Variants in ACP7 observed in about 807,000 individuals in gnomAD.
ACP7 encodes acid phosphatase type 7.
In ACP7, 58 loss-of-function variants were observed where a neutral mutation model predicts 60.6. The ratio of observed to expected loss-of-function variants is 0.96; its 90% confidence interval spans 0.77 to 1.19. The LOEUF (loss-of-function observed/expected upper bound fraction) is 1.19. Among genes scored for constraint, ACP7 ranks in the 50% most tolerant of loss-of-function variants. The probability of loss-of-function intolerance (pLI) is 0.00; values close to 1 mark genes in which losing one functional copy is unlikely to be tolerated. For missense variants in ACP7, 574 were observed against 596.2 expected (o/e 0.96, Z 0.39); for synonymous variants, 237 against 232.6 (o/e 1.02, Z -0.17).
At position 39,107,038 on chromosome 19, in the gene ACP7, TCCTCAACGGGAC is replaced by T; in HGVS notation, c.1208_1219del (p.Leu403_Thr406del). 1.2e-6 allele frequency: 2 copies of T among 1,613,988 alleles called. No individual in the cohort carries two copies. Among genetic ancestry groups the T allele is most frequent in the Non-Finnish European group, 1.7e-6 (2 of 1,179,988 alleles). On this transcript the variant is annotated inframe_deletion, in exon 12 of 13. Coordinates refer to ENST00000331256, the MANE Select transcript of ACP7 (RefSeq NM_001004318.3). ...GAGTACGGGTATACGCGGCTGCACA[TCCTCAACGGGAC>T]CCACATCCACATCCAGCAGGTGTCG...
intron 2 of ACP7, among the ~76,000 whole-genome samples, chr19:39,090,804 T>TC (rs1313568980): frequency 6.6e-6 from 1 of 151,546 alleles, no homozygotes; most frequent in Non-Finnish European, 1.5e-5. Flanking sequence ...TTTTTTTTTT[T>TC]TTTGGTCTAT....
At chr19:39,107,494 G>A (rs1324656052) in intron 12 of ACP7, among the ~76,000 whole-genome samples, 2 of 149,320 alleles carry the variant, frequency 1.3e-5, no homozygotes, top group Non-Finnish European at 3.0e-5. Context: ...TGAGGCAGGA[G>A]AATGGCGTGA....
intron 11 of ACP7, among the ~76,000 whole-genome samples, chr19:39,105,814 A>G (rs2073405405): frequency 6.6e-6 from 1 of 152,162 alleles, no homozygotes; most frequent in Non-Finnish European, 1.5e-5. Context: ...GCTCGGCTGC[A>G]CGATGTCTTT....
rs1211595369 is a variant in ACP7 at position 39,110,126 on chromosome 19, G to A, written c.*8G>A. On this transcript the variant is annotated 3_prime_UTR_variant, in exon 13 of 13. Transcript: ENST00000331256. ...CGGAGGATGTACCTCTAGGGATGGC[G>A]GCAGCTCTCCTCCAGAAGCCTAGGT... is the stretch of plus-strand genomic sequence containing the variant. The A allele has an allele frequency of 2.5e-5, 41 of 1,611,440 alleles. No individual in the cohort carries two copies. Among genetic ancestry groups the A allele is most frequent in the Non-Finnish European group, 3.1e-5 (37 of 1,177,702 alleles).
At chr19:39,084,504 A>C in intron 1 of ACP7, 104 bp downstream of exon 1, 1 of 123,168 alleles carries the variant, frequency 8.1e-6, no homozygotes. Context: ...AGCGCTGGAG[A>C]GAAGGGGGGT....
intron 2 of ACP7, among the ~76,000 whole-genome samples, chr19:39,085,604 T>C (rs1392523846): frequency 1.3e-5 from 2 of 152,148 alleles, no homozygotes; most frequent in Non-Finnish European, 2.9e-5. Flanking sequence ...CAGAGAGTGC[T>C]CCCCTGCTCT....
chr19:39,100,306 C>T lies in ACP7; in HGVS notation c.585C>T (p.Ala195=). ...RFMRLIEPVA[A]SLPYMTCPGN... ...TGCGGCTCATTGAACCCGTGGCTGCCAGCCTGCCGTACATGACATGCCCTG... is the reference window on the plus strand; with the variant it reads ...TGCGGCTCATTGAACCCGTGGCTGCTAGCCTGCCGTACATGACATGCCCTG... Residue 195 remains alanine, a synonymous_variant, in exon 5 of 13, where the codon GCC becomes GCT. Transcript: ENST00000331256. 2 of 1,614,128 alleles carry T rather than the reference C, an allele frequency of 1.2e-6. No individual in the cohort carries two copies. The highest frequency in any genetic ancestry group is 1.7e-6 in the Non-Finnish European group (2 of 1,180,028).
chr19:39,089,941 G>A (rs2073185609), intron 2 of ACP7, among the ~76,000 whole-genome samples: 1 of 152,126 alleles, frequency 6.6e-6, no homozygotes, highest in African/African-American at 2.4e-5. Flanking sequence ...CCACTATAAA[G>A]TAATTATTCT....
At chr19:39,091,983 A>G (rs987497501) in intron 2 of ACP7, among the ~76,000 whole-genome samples, 3 of 152,124 alleles carry the variant, frequency 2.0e-5, no homozygotes, top group African/African-American at 7.2e-5. Flanking sequence ...GCCCAGCACC[A>G]TGGGTTTATT....
intron 2 of ACP7, among the ~76,000 whole-genome samples, chr19:39,087,035 G>T (rs1301560556): frequency 6.6e-6 from 1 of 152,040 alleles, no homozygotes; most frequent in Non-Finnish European, 1.5e-5. Context: ...TTGAGACAGG[G>T]TCTCGCTCTG....
intron 11 of ACP7, among the ~76,000 whole-genome samples, chr19:39,106,453 C>CA (rs371355016): frequency 2.6e-5 from 4 of 152,184 alleles, no homozygotes; most frequent in African/African-American, 9.7e-5. Context: ...TTCTAGAAGT[C>CA]AGAGACCCGG....
At chr19:39,107,436 T>C (rs1470288645) in intron 12 of ACP7, among the ~76,000 whole-genome samples, 1 of 150,508 alleles carries the variant, frequency 6.6e-6, no homozygotes, top group East Asian at 2.0e-4. Flanking sequence ...CAAAAAAAAT[T>C]AGCCAGGCGT....
intron 4 of ACP7, 44 bp downstream of exon 4, chr19:39,099,186 G>A (rs747371571): frequency 6.8e-7 from 1 of 1,474,260 alleles, no homozygotes; most frequent in Non-Finnish European, 8.9e-7. Flanking sequence ...TGGGGGGCGC[G>A]CGCAGGGATG....
At chr19:39,095,985 A>G (rs1419881761) in intron 2 of ACP7, among the ~76,000 whole-genome samples, 2 of 152,212 alleles carry the variant, frequency 1.3e-5, no homozygotes, top group East Asian at 3.8e-4. Flanking sequence ...CACACAGCAC[A>G]GGGACCCTGG....
chr19:39,085,130 C>T lies in ACP7; in HGVS notation c.-140C>T. 8.9e-7 allele frequency: 1 copy of T among 1,118,300 alleles called. No individual in the cohort carries two copies. Among genetic ancestry groups the T allele is most frequent in the South Asian group, 1.8e-5 (1 of 56,304 alleles). 69.3% of individuals were successfully genotyped at this position (1,118,300 alleles called of 1,614,324 possible). On this transcript the variant is annotated 5_prime_UTR_variant, in exon 2 of 13. Transcript: ENST00000331256. ...ACCCATCTTGAAGGAGACCTCCCTG[C>T]CCTGCCTCTGTTGTCCCCCAGAGCA...
intron 11 of ACP7, among the ~76,000 whole-genome samples, chr19:39,102,034 T>C (rs921066568): frequency 6.6e-6 from 1 of 151,778 alleles, no homozygotes; most frequent in African/African-American, 2.4e-5. Context: ...TCAGGAGGAT[T>C]GCTTGAGTGC....
In ACP7 at chr19:39,094,660, G is replaced by GA. The variant is rs543189578; in HGVS notation, c.122-3788dup. ...CAACATGGCAAGATCCCATCTCTATGAAAAAAAAAATTAAAAATCAACTGG... is the reference window on the plus strand; with the variant it reads ...CAACATGGCAAGATCCCATCTCTATGAAAAAAAAAAATTAAAAATCAACTGG... On this transcript the variant is annotated intron_variant, in intron 2 of 12. Transcript: ENST00000331256. 2.1e-4 allele frequency among the ~76,000 whole-genome samples: 31 copies of GA among 149,082 alleles called. 1 individual carries two copies. Among genetic ancestry groups the GA allele is most frequent in the African/African-American group, 5.4e-4 (22 of 40,666 alleles).
In ACP7 at chr19:39,092,422, C is replaced by T. The variant is rs1326679541; in HGVS notation, c.122-6036C>T. ...AGTTGCAGAATCATTTACAGGTGTG[C>T]CTGTGGGAAGCACACGATGCCAAGG... On this transcript the variant is annotated intron_variant, in intron 2 of 12. Coordinates refer to ENST00000331256, the MANE Select transcript of ACP7 (RefSeq NM_001004318.3). Among the ~76,000 whole-genome samples the T allele has an allele frequency of 4.6e-5, 7 of 151,642 alleles. No individual in the cohort carries two copies. In the South Asian group the frequency reaches 1.5e-3, roughly 31 times the overall value.
At chr19:39,089,842 G>A (rs963924534) in intron 2 of ACP7, among the ~76,000 whole-genome samples, 5 of 152,192 alleles carry the variant, frequency 3.3e-5, no homozygotes, top group East Asian at 1.9e-4. Context: ...CGCATGATAC[G>A]AAGAATCAAG....
Sources: gnomAD v4.1 joint callset for allele counts (sites outside exome capture counted in the v4.1 genomes callset) on GRCh38, gnomAD v4.1.1 for gene constraint, MANE v1.5 for transcripts, NCBI Gene and HGNC (gene_info 2026-07-23, HGNC 2026-07-21) for gene names.